Variants in PCLO observed in about 807,000 individuals in gnomAD.
The protein encoded by PCLO is protein piccolo.
A neutral mutation model predicts 427.5 loss-of-function variants in PCLO; 82 were observed. The observed-to-expected ratio is 0.19, with a 90% confidence interval of 0.16 to 0.23. PCLO has a LOEUF of 0.23. Ranked by LOEUF, PCLO falls within the 10% of genes least tolerant of loss-of-function variation. PCLO has a pLI of 1.00. For synonymous variants in PCLO, 2,357 were observed against 2,155.4 expected (o/e 1.09, Z -2.59); for missense variants, 6,239 against 6,115.9 (o/e 1.02, Z -0.67).
rs777170458 is a variant in PCLO, at chr7:82,953,807, A to C, written c.7146T>G (p.Ser2382=). 5.6e-6 allele frequency: 9 copies of C among 1,605,948 alleles called. No homozygotes were observed. The South Asian group carries it at 8.9e-5, about 16-fold the overall frequency. The change falls in exon 5 of 25, where the codon TCT becomes TCG. Residue 2382 remains serine (S), a synonymous_variant. Transcript: ENST00000333891. ...GAGGTTTAGCTGGAAGAGAGGAAAC[A>C]GAAGGACTGCCAGATGGTAACTGAG... ...PASQLPSGSP[S]VSSLPAKPRP...
intron 15 of PCLO, among the ~76,000 whole-genome samples, chr7:82,837,264 G>A (rs1264410863): frequency 2.6e-5 from 4 of 152,014 alleles, no homozygotes; most frequent in Admixed American, 2.6e-4. Flanking sequence ...GATAACTGTT[G>A]AGGCTGAGTG....
At chr7:82,821,583 A>C in intron 20 of PCLO, 1 of 972,728 alleles carries the variant, frequency 1.0e-6, no homozygotes, top group Middle Eastern at 5.3e-4. Context: ...GCACATATTA[A>C]GTTTTTATAT....
intron 3 of PCLO, among the ~76,000 whole-genome samples, chr7:83,130,627 A>T (rs1348611460): frequency 1.3e-5 from 2 of 151,970 alleles, no homozygotes; most frequent in Non-Finnish European, 2.9e-5. Context: ...ATGCTTTTTA[A>T]TGTATTAAGT....
chr7:82,797,060 A>C (rs768351807), intron 22 of PCLO, among the ~76,000 whole-genome samples: 42 of 152,098 alleles, frequency 2.8e-4, no homozygotes, highest in Non-Finnish European at 4.4e-4. Flanking sequence ...AGGATCTTCC[A>C]TAATGGTTTC....
chr7:83,143,659 A>C (rs982332549), intron 2 of PCLO, among the ~76,000 whole-genome samples: 1 of 152,034 alleles, frequency 6.6e-6, no homozygotes, highest in African/African-American at 2.4e-5. Context: ...AAAAAAAAAA[A>C]AACCTGACAC....
At chr7:83,024,521 G>A (rs1277974964) in intron 3 of PCLO, among the ~76,000 whole-genome samples, 1 of 152,180 alleles carries the variant, frequency 6.6e-6, no homozygotes, top group South Asian at 2.1e-4. Context: ...CAGCAGCCAG[G>A]CTGGGGGAGG....
At chr7:82,928,556 G>T (rs1794768143) in intron 6 of PCLO, among the ~76,000 whole-genome samples, 1 of 151,928 alleles carries the variant, frequency 6.6e-6, no homozygotes, top group South Asian at 2.1e-4. Flanking sequence ...AATTTTTTTT[G>T]TATTTTTAGT....
intron 3 of PCLO, among the ~76,000 whole-genome samples, chr7:83,064,203 T>C (rs1483556284): frequency 2.0e-5 from 3 of 152,072 alleles, no homozygotes; most frequent in African/African-American, 7.2e-5. Context: ...CACTTAAATA[T>C]ACCATAAGAG....
intron 22 of PCLO, among the ~76,000 whole-genome samples, chr7:82,776,795 T>C (rs1043407472): frequency 3.3e-4 from 48 of 145,666 alleles, no homozygotes; most frequent in African/African-American, 9.8e-4. Context: ...ACTCCATCTC[T>C]CTCTTTCTCT....
At chr7:82,786,528 C>T (rs569227641) in intron 22 of PCLO, among the ~76,000 whole-genome samples, 1 of 152,230 alleles carries the variant, frequency 6.6e-6, no homozygotes, top group African/African-American at 2.4e-5. Context: ...AACAATTCAA[C>T]CTAGATTGAT....
At chr7:83,038,046 TATATCTTTATATA>T (rs1788862573) in intron 3 of PCLO, among the ~76,000 whole-genome samples, 2 of 46,106 alleles carry the variant, frequency 4.3e-5, no homozygotes, top group Non-Finnish European at 6.7e-5. Context: ...TATTTATATA[TATATCTTTATATA>T]TATATTTATA....
At chr7:83,038,258 A>G (rs1303736638) in intron 3 of PCLO, among the ~76,000 whole-genome samples, 1 of 149,518 alleles carries the variant, frequency 6.7e-6, no homozygotes. Context: ...AAAATGTACA[A>G]TTTAATGGTT....
intron 22 of PCLO, among the ~76,000 whole-genome samples, chr7:82,790,576 G>A (rs1442780845): frequency 6.6e-6 from 1 of 152,148 alleles, no homozygotes; most frequent in Admixed American, 6.5e-5. Context: ...CTACAGCAGA[G>A]TACCTTAATA....
At chr7:82,908,663 A>G (rs1794249558) in intron 8 of PCLO, among the ~76,000 whole-genome samples, 1 of 152,100 alleles carries the variant, frequency 6.6e-6, no homozygotes, top group Non-Finnish European at 1.5e-5. Context: ...GGAATGAATC[A>G]CTTAAATTGG....
At chr7:82,863,637 A>G (rs554304800) in intron 10 of PCLO, among the ~76,000 whole-genome samples, 24 of 152,196 alleles carry the variant, frequency 1.6e-4, no homozygotes, top group African/African-American at 5.5e-4. Context: ...TTGACTAAGA[A>G]GAAAACAGTT....
chr7:83,083,281 T>G (rs2116406051), intron 3 of PCLO, among the ~76,000 whole-genome samples: 1 of 152,138 alleles, frequency 6.6e-6, no homozygotes, highest in Admixed American at 6.5e-5. Flanking sequence ...ACTATAATTC[T>G]TAAATGTTTT....
intron 3 of PCLO, among the ~76,000 whole-genome samples, chr7:83,081,136 G>T (rs2116397619): frequency 6.6e-6 from 1 of 151,990 alleles, no homozygotes; most frequent in African/African-American, 2.4e-5. Flanking sequence ...TGACAAAGTA[G>T]AAAAATAATT....
At position 82,846,543 on chromosome 7, in the gene PCLO, T is replaced by C. The variant is rs747648661; in HGVS notation, c.13831+24A>G. ...CTATTTCTATCTCTTTATTTACAGT[T>C]GAAACTAGATTTCTTTTACCTACCA... is the stretch of plus-strand genomic sequence containing the variant. On this transcript the variant is annotated intron_variant, in intron 12 of 24. Transcript: ENST00000333891. 21 of 1,503,476 alleles carry C rather than the reference T, an allele frequency of 1.4e-5. No homozygotes were observed. The Admixed American group carries it at 3.1e-4, about 22-fold the overall frequency. The allele number at this position is 1,503,476 out of a possible 1,614,324, so 93.1% of individuals were successfully genotyped here.
chr7:82,784,009 G>A (rs12707521), intron 22 of PCLO, among the ~76,000 whole-genome samples: 126,591 of 152,032 alleles, frequency 0.83, 52,808 homozygotes, highest in East Asian at 0.93. Context: ...CCTTCTCACT[G>A]TATTAAATGA....
Sources: allele counts gnomAD v4.1 joint callset (sites outside exome capture counted in the v4.1 genomes callset), GRCh38; gene constraint gnomAD v4.1.1; transcripts MANE v1.5; gene names NCBI Gene and HGNC (gene_info 2026-07-23, HGNC 2026-07-21).